L3MBTL4: variants seen among roughly 807,000 people sequenced by gnomAD.
L3MBTL4 encodes L3MBTL histone methyl-lysine binding protein 4.
L3MBTL4 carries 70 observed loss-of-function variants against 84.5 expected under a neutral mutation model. That is an observed-to-expected ratio of 0.83 (90% CI 0.68 to 1.01). L3MBTL4 has a LOEUF of 1.01. Ranked by LOEUF, L3MBTL4 falls within the 50% of genes least tolerant of loss-of-function variation. The pLI, the probability that L3MBTL4 is intolerant of heterozygous loss-of-function variation, is 0.00. For missense variants in L3MBTL4, 715 were observed against 754.8 expected, an observed-to-expected ratio of 0.95 and a Z score of 0.62; for synonymous variants, 274 against 259.8, an observed-to-expected ratio of 1.05 and a Z score of -0.52.
intron 4 of L3MBTL4, among the ~76,000 whole-genome samples, chr18:6,275,269 C>A (rs2049033679): frequency 6.6e-6 from 1 of 152,096 alleles, no homozygotes; most frequent in Non-Finnish European, 1.5e-5. Flanking sequence ...AAGGGGCAGC[C>A]AGAGAAACGG....
chr18:5,964,289 G>A (rs530445628), intron 17 of L3MBTL4, among the ~76,000 whole-genome samples: 5 of 152,322 alleles, frequency 3.3e-5, no homozygotes, highest in South Asian at 2.1e-4. Flanking sequence ...CCTGCCAGCC[G>A]ACCTCACTTC....
At chr18:6,375,035 T>C (rs1490505122) in intron 1 of L3MBTL4, among the ~76,000 whole-genome samples, 2 of 152,168 alleles carry the variant, frequency 1.3e-5, no homozygotes, top group African/African-American at 2.4e-5. Flanking sequence ...CTTTGGTGCA[T>C]TGGGAAACTC....
chr18:6,351,066 C>G (rs529128119), intron 1 of L3MBTL4, among the ~76,000 whole-genome samples: 10 of 152,100 alleles, frequency 6.6e-5, no homozygotes, highest in Non-Finnish European at 1.2e-4. Flanking sequence ...TGTGGTGGCA[C>G]GCACCTGTAA....
chr18:5,956,028 T>G lies in L3MBTL4; in HGVS notation c.*192A>C, dbSNP rs971948401. 4 of 561,974 alleles carry G rather than the reference T, an allele frequency of 7.1e-6. No homozygotes were observed. In the African/African-American group the frequency reaches 7.6e-5, roughly 11 times the overall value. The allele number at this position is 561,974 out of a possible 1,614,324, so 34.8% of individuals were successfully genotyped here. On this transcript the variant is annotated 3_prime_UTR_variant, in exon 19 of 19. Coordinates refer to ENST00000317931, the MANE Select transcript of L3MBTL4 (RefSeq NM_001330559.2). ...CGTAAACCAAACCCACAGATGGGCC[T>G]AAGCCTCTGAGTCATTGGCACTGGA... is the stretch of plus-strand genomic sequence containing the variant.
At chr18:6,250,458 G>C (rs1357051813) in intron 5 of L3MBTL4, among the ~76,000 whole-genome samples, 3 of 152,302 alleles carry the variant, frequency 2.0e-5, no homozygotes, top group East Asian at 3.9e-4. Flanking sequence ...CAGTAGAATG[G>C]GGAAGGTCTG....
chr18:6,185,378 A>T (rs1599053775), intron 12 of L3MBTL4, among the ~76,000 whole-genome samples: 1 of 152,202 alleles, frequency 6.6e-6, no homozygotes, highest in East Asian at 1.9e-4. Context: ...GGATGGTATC[A>T]GTAGCCTTTG....
chr18:6,269,462 A>T (rs1415943870), intron 4 of L3MBTL4, among the ~76,000 whole-genome samples: 1 of 152,174 alleles, frequency 6.6e-6, no homozygotes, highest in Non-Finnish European at 1.5e-5. Context: ...GCCTCAAAAA[A>T]CAAACAAAAA....
At position 6,179,087 on chromosome 18, in the gene L3MBTL4, A is replaced by G. The variant is rs181721265; in HGVS notation, c.982-7145T>C. ...TATAATACCTAGGAACATTGGGGCT[A>G]AATTGAATGCTCAGTCACAATAATT... On this transcript the variant is annotated intron_variant, in intron 12 of 18. Transcript: ENST00000317931. 2.4e-3 allele frequency among the ~76,000 whole-genome samples: 370 copies of G among 152,346 alleles called. 3 individuals are homozygous for G. The highest frequency in any genetic ancestry group is 2.3e-3 in the Admixed American group (35 of 15,300).
Position 6,243,338 on chromosome 18 carries a change from A to T in L3MBTL4, c.416T>A (p.Val139Glu). 6.2e-7 allele frequency: 1 copy of T among 1,606,042 alleles called. No individual in the cohort carries two copies. The highest frequency in any genetic ancestry group is 1.1e-5 in the South Asian group (1 of 88,622). The change falls in exon 7 of 19, where the codon GTA (valine) becomes GAA (glutamate). Residue 139 changes from valine to glutamate, a missense_variant. Coordinates refer to ENST00000317931, the MANE Select transcript of L3MBTL4 (RefSeq NM_001330559.2). ...ATGTTTGGTCTTTTCACACCATCCT[A>T]CTGGATGAATGTCAGGGGAACCAGC... Reference protein sequence around the residue: ...TNAGSPDIHPVGWCEKTKHEL... With the variant: ...TNAGSPDIHPEGWCEKTKHEL...
intron 16 of L3MBTL4, among the ~76,000 whole-genome samples, chr18:5,988,512 A>T (rs2145111164): frequency 6.6e-6 from 1 of 152,340 alleles, no homozygotes; most frequent in Non-Finnish European, 1.5e-5. Context: ...CATTTGGAGC[A>T]ATCTTGCATA....
intron 14 of L3MBTL4, among the ~76,000 whole-genome samples, chr18:6,107,571 G>C (rs923675958): frequency 3.9e-5 from 6 of 152,158 alleles, no homozygotes; most frequent in African/African-American, 1.4e-4. Context: ...AATAAATTTG[G>C]GAGTTGTTAA....
intron 16 of L3MBTL4, among the ~76,000 whole-genome samples, chr18:6,079,172 A>G (rs868808873): frequency 1.3e-5 from 2 of 152,138 alleles, no homozygotes; most frequent in Admixed American, 1.3e-4. Flanking sequence ...GGGACTCCGG[A>G]CATACAAGGA....
chr18:6,032,328 G>T, intron 16 of L3MBTL4: 1 of 979,054 alleles, frequency 1.0e-6, no homozygotes, highest in South Asian at 4.7e-5. Flanking sequence ...GTGCAAAAAA[G>T]CTTATGATGT....
intron 16 of L3MBTL4, among the ~76,000 whole-genome samples, chr18:5,996,650 A>G (rs1349458084): frequency 6.6e-6 from 1 of 152,170 alleles, no homozygotes; most frequent in African/African-American, 2.4e-5. Flanking sequence ...GGGCCTGACC[A>G]CACCATCAGT....
intron 17 of L3MBTL4, among the ~76,000 whole-genome samples, chr18:5,963,955 G>T (rs1598297786): frequency 6.6e-6 from 1 of 152,256 alleles, no homozygotes; most frequent in Admixed American, 6.5e-5. Context: ...TGGCAGTGGG[G>T]TCATCTCCTT....
In L3MBTL4 at chr18:6,010,526, T is replaced by C. The variant is rs548418366; in HGVS notation, c.1445-40964A>G. Among the ~76,000 whole-genome samples the C allele has an allele frequency of 1.1e-4, 16 of 152,342 alleles. No individual in the cohort carries two copies. In the East Asian group the frequency reaches 1.9e-3, roughly 18 times the overall value. ...CGCTGTAGTCAGCGCCACTTGCATGTGCGGTATTAATACTGCACATTTCTC... is the reference window on the plus strand; with the variant it reads ...CGCTGTAGTCAGCGCCACTTGCATGCGCGGTATTAATACTGCACATTTCTC... On this transcript the variant is annotated intron_variant, in intron 16 of 18. Transcript: ENST00000317931.
intron 16 of L3MBTL4, chr18:6,032,000 C>T (rs569766001): frequency 2.0e-5 from 6 of 302,208 alleles, no homozygotes; most frequent in South Asian, 1.3e-4. Flanking sequence ...TTTTTTGAGA[C>T]GGAGTCTTGC....
intron 13 of L3MBTL4, among the ~76,000 whole-genome samples, chr18:6,143,374 A>G (rs143990844): frequency 4.7e-4 from 71 of 152,340 alleles, no homozygotes; most frequent in African/African-American, 1.7e-3. Context: ...AGAGTCAAGA[A>G]AAACAGGAAA....
At chr18:5,984,687 C>A (rs79271907) in intron 16 of L3MBTL4, among the ~76,000 whole-genome samples, 2,744 of 152,222 alleles carry the variant, frequency 0.018, 83 homozygotes, top group African/African-American at 0.063. Context: ...GGTAGCATTG[C>A]TGCTCATGTT....
Sources: allele counts gnomAD v4.1 joint callset (sites outside exome capture counted in the v4.1 genomes callset), GRCh38; gene constraint gnomAD v4.1.1; transcripts MANE v1.5; gene names NCBI Gene and HGNC (gene_info 2026-07-23, HGNC 2026-07-21).